The following KANSL1L variants were observed in gnomAD, a reference collection of about 807,000 sequenced individuals.
The protein encoded by KANSL1L is KAT8 regulatory NSL complex subunit 1 like.
A neutral mutation model predicts 108.6 loss-of-function variants in KANSL1L; 25 were observed. The observed-to-expected ratio is 0.23, with a 90% CI of 0.17 to 0.32. KANSL1L has a LOEUF of 0.32. KANSL1L is among the 10% of genes least tolerant of loss of function. KANSL1L has a pLI of 1.00. For missense variants in KANSL1L, 1,137 were observed against 1,125.7 expected (o/e 1.01, Z -0.14); for synonymous variants, 405 against 395.1 (o/e 1.03, Z -0.30).
At chr2:210,084,421 T>A (rs1235841294) in intron 5 of KANSL1L, among the ~76,000 whole-genome samples, 3 of 152,052 alleles carry the variant, frequency 2.0e-5, no homozygotes, top group Non-Finnish European at 4.4e-5. Context: ...AGACTCCGTC[T>A]TAGAAAGAAA....
chr2:210,065,323 G>C (rs1269922725), intron 6 of KANSL1L, among the ~76,000 whole-genome samples: 1 of 135,932 alleles, frequency 7.4e-6, no homozygotes, highest in African/African-American at 2.7e-5. Context: ...AAAAGAATCT[G>C]TTACATTTTC....
chr2:210,031,451 T>C lies in KANSL1L; in HGVS notation c.2125A>G (p.Lys709Glu). 1 of 1,601,610 alleles carries C rather than the reference T, an allele frequency of 6.2e-7. No homozygotes were observed. Among genetic ancestry groups the C allele is most frequent in the Non-Finnish European group, 8.5e-7 (1 of 1,169,988 alleles). ...GCTGTTTCACTCAAATGTCTTTTCT[T>C]TCTTCCCTGTAACAGTTGTGCAGAA... The part of the protein sequence containing the change: ...ESSAQLLQGR[K>E]KRHLSETALG... The change falls in exon 9 of 15, where the codon AAG (lysine) becomes GAG (glutamate). Residue 709 changes from lysine to glutamate, a missense_variant. Lys to Glu is a moderately conservative substitution (Grantham distance 56, BLOSUM62 1). Around this residue, in one of 3 missense-constraint regions of KANSL1L, gnomAD observed 575 missense variants for 567.1 expected, o/e 1.01. Coordinates refer to ENST00000281772, the MANE Select transcript of KANSL1L (RefSeq NM_152519.4).
intron 13 of KANSL1L, among the ~76,000 whole-genome samples, chr2:210,024,666 TTA>T (rs1298502468): frequency 1.3e-5 from 2 of 152,150 alleles, no homozygotes; most frequent in African/African-American, 4.8e-5. Flanking sequence ...TAAAAGTATT[TTA>T]GACTTTTTGC....
chr2:210,082,805 T>C (rs1407536059), intron 5 of KANSL1L, among the ~76,000 whole-genome samples: 1 of 152,178 alleles, frequency 6.6e-6, no homozygotes, highest in Non-Finnish European at 1.5e-5. Context: ...AAAGTAGAAA[T>C]AAACTCTGAA....
chr2:210,097,968 A>G (rs1456054774), intron 5 of KANSL1L, 118 bp downstream of exon 5: 1 of 651,894 alleles, frequency 1.5e-6, no homozygotes, highest in Non-Finnish European at 2.5e-6. Context: ...ATTGTACTCT[A>G]GTAGCCCCTA....
At chr2:210,124,546 AC>A (rs997554246) in intron 3 of KANSL1L, among the ~76,000 whole-genome samples, 64 of 152,118 alleles carry the variant, frequency 4.2e-4, no homozygotes, top group Middle Eastern at 3.2e-3. Context: ...TTTAAAAAAA[AC>A]AAAAAAGATC....
intron 3 of KANSL1L, among the ~76,000 whole-genome samples, chr2:210,107,070 A>G (rs2094854169): frequency 1.3e-5 from 2 of 152,200 alleles, no homozygotes; most frequent in Admixed American, 6.5e-5. Flanking sequence ...CAACTGAAAC[A>G]AGTCAAAACT....
At chr2:210,098,327 T>C (rs2094758997) in intron 4 of KANSL1L, 120 bp from the exon 5 acceptor site, 1 of 892,800 alleles carries the variant, frequency 1.1e-6, no homozygotes, top group Non-Finnish European at 1.7e-6. Context: ...TTTTAGTAAA[T>C]GTTTTATTTG....
chr2:210,091,457 T>G (rs2094692547), intron 5 of KANSL1L, among the ~76,000 whole-genome samples: 1 of 152,160 alleles, frequency 6.6e-6, no homozygotes, highest in African/African-American at 2.4e-5. Flanking sequence ...AGCTTGTAAA[T>G]ATGAAGCAAT....
intron 2 of KANSL1L, chr2:210,153,287 G>A: frequency 4.6e-6 from 2 of 430,982 alleles, no homozygotes; most frequent in Non-Finnish European, 8.1e-6. Context: ...CCGGGAGGCG[G>A]AGGTTGCAGT....
intron 6 of KANSL1L, among the ~76,000 whole-genome samples, chr2:210,052,035 C>G (rs548995928): frequency 7.5e-6 from 1 of 134,126 alleles, no homozygotes; most frequent in Non-Finnish European, 1.6e-5. Flanking sequence ...AGGTATTGCT[C>G]TGTCACCCAC....
chr2:210,079,450 G>T (rs1028583737), intron 5 of KANSL1L, among the ~76,000 whole-genome samples: 4 of 150,556 alleles, frequency 2.7e-5, no homozygotes, highest in African/African-American at 9.8e-5. Flanking sequence ...ACAAAAATTA[G>T]CTGGCCCTGG....
At chr2:210,063,317 A>T (rs2094437772) in intron 6 of KANSL1L, among the ~76,000 whole-genome samples, 1 of 152,226 alleles carries the variant, frequency 6.6e-6, no homozygotes, top group Admixed American at 6.5e-5. Context: ...GCTCATGGAG[A>T]ACCTCTGCTA....
rs1575398403 is a variant in KANSL1L, at chr2:210,040,581, G to A, written c.1922-54C>T. On this transcript the variant is annotated intron_variant, in intron 7 of 14. Transcript: ENST00000281772. ...TCAAATACCACTCTTTGTAATACTA[G>A]GATTACAGATTGTAACATTAAAATT... 1.4e-5 allele frequency: 10 copies of A among 732,368 alleles called. No homozygotes were observed. In the East Asian group the frequency reaches 2.7e-4, roughly 20 times the overall value. The allele number at this position is 732,368 out of a possible 1,614,324, so 45.4% of individuals were successfully genotyped here.
At chr2:210,085,917 T>C (rs887295588) in intron 5 of KANSL1L, among the ~76,000 whole-genome samples, 5 of 149,450 alleles carry the variant, frequency 3.3e-5, no homozygotes, top group East Asian at 2.0e-4. Flanking sequence ...TGTAATTAAA[T>C]ATTTATTAAT....
chr2:210,053,285 C>A (rs1478183792), intron 6 of KANSL1L, among the ~76,000 whole-genome samples: 3 of 151,988 alleles, frequency 2.0e-5, no homozygotes, highest in Non-Finnish European at 4.4e-5. Context: ...TAATATTGGG[C>A]AATAAAATAA....
rs2093880232 is a variant in KANSL1L at position 210,022,921 on chromosome 2, T to G, written c.*28A>C. Reference sequence around the variant, plus strand: ...TTATTTCCTCCCATCTTTCCTACATTTACATAGTTTTCTTAACCTGTTCCC... The same window carrying G: ...TTATTTCCTCCCATCTTTCCTACATGTACATAGTTTTCTTAACCTGTTCCC... On this transcript the variant is annotated 3_prime_UTR_variant, in exon 15 of 15. Coordinates refer to ENST00000281772, the MANE Select transcript of KANSL1L (RefSeq NM_152519.4). 1 of 1,488,858 alleles carries G rather than the reference T, an allele frequency of 6.7e-7. No individual in the cohort carries two copies. Among genetic ancestry groups the G allele is most frequent in the African/African-American group, 1.4e-5 (1 of 72,144 alleles). The allele number at this position is 1,488,858 out of a possible 1,614,324, so 92.2% of individuals were successfully genotyped here. A position where few individuals can be genotyped will look rare whatever the true frequency, so the allele number is the denominator to read the frequency against.
chr2:210,029,164 C>A, intron 10 of KANSL1L, 195 bp from the exon 11 acceptor site: 1 of 513,254 alleles, frequency 1.9e-6, no homozygotes, highest in Non-Finnish European at 3.4e-6. Context: ...TCAGAACAAT[C>A]TCTTGGTAGA....
intron 2 of KANSL1L, among the ~76,000 whole-genome samples, chr2:210,148,616 C>A (rs1377998009): frequency 6.6e-6 from 1 of 152,106 alleles, no homozygotes. Context: ...TGCATACTAG[C>A]CTCTCAACCA....
Sources: gnomAD v4.1 joint callset for allele counts (sites outside exome capture counted in the v4.1 genomes callset) on GRCh38, gnomAD v4.1.1 for gene constraint, gnomAD v4.1.1 regional missense constraint, MANE v1.5 for transcripts, NCBI Gene and HGNC (gene_info 2026-07-23, HGNC 2026-07-21) for gene names.